The following TBCB variants were observed in gnomAD, a reference collection of about 807,000 sequenced individuals.
TBCB encodes tubulin-folding cofactor B.
A neutral mutation model predicts 29.2 loss-of-function variants in TBCB; 18 were observed. The observed-to-expected ratio is 0.62, with a 90% CI of 0.43 to 0.91. The LOEUF is 0.91. Ranked by LOEUF, TBCB falls within the 40% of genes least tolerant of loss-of-function variation. The pLI, the probability that TBCB is intolerant of heterozygous loss-of-function variation, is 0.00. For synonymous variants in TBCB, 172 were observed against 137.8 expected (o/e 1.25, Z -1.74); for missense variants, 336 against 337.6 (o/e 1.00, Z 0.04).
intron 4 of TBCB, among the ~76,000 whole-genome samples, chr19:36,123,087 G>A (rs1194026916): frequency 1.3e-5 from 2 of 152,146 alleles, no homozygotes; most frequent in Non-Finnish European, 2.9e-5. Flanking sequence ...CCACTGAGCA[G>A]AATGCTTTCA....
chr19:36,117,958 G>T (rs918462445), intron 2 of TBCB: 1 of 151,472 alleles, frequency 6.6e-6, no homozygotes, highest in Admixed American at 6.6e-5. Flanking sequence ...TAGAGACGGG[G>T]TTTCACCATG....
At chr19:36,120,631 G>A (rs1280913157) in intron 2 of TBCB, 79 bp from the exon 3 acceptor site, 7 of 1,215,826 alleles carry the variant, frequency 5.8e-6, no homozygotes, top group Non-Finnish European at 2.4e-6. Flanking sequence ...CCCAGATGGA[G>A]ACACTGAAGT....
rs1264125789 is a variant in TBCB at position 36,115,779 on chromosome 19, G to A, written c.114+105G>A. On this transcript the variant is annotated intron_variant, in intron 1 of 5. Coordinates refer to ENST00000221855, the MANE Select transcript of TBCB (RefSeq NM_001281.3). ...CGGGGAGTGACTGGGCGGGCCCGGA[G>A]GTGATCCCAGGCTGCGGAGGCTGGG... is the stretch of plus-strand genomic sequence containing the variant. 7.3e-6 allele frequency: 9 copies of A among 1,229,544 alleles called. No individual in the cohort carries two copies. The East Asian group carries it at 2.3e-4, about 31-fold the overall frequency. The allele number at this position is 1,229,544 out of a possible 1,614,324, so 76.2% of individuals were successfully genotyped here.
rs779243039 is a variant in TBCB, at chr19:36,120,793, C to T, written c.342C>T (p.Tyr114=). ...VEKYTISQEA[Y]DQRQDTVRSF... is the part of the protein sequence containing the mutation. Reference sequence around the variant, plus strand: ...AGTACACGATCTCACAAGAAGCCTACGACCAGAGGCAAGGTACGGGCAGGT... The same window carrying T: ...AGTACACGATCTCACAAGAAGCCTATGACCAGAGGCAAGGTACGGGCAGGT... Residue 114 remains tyrosine, a synonymous_variant, in exon 3 of 6, where the codon TAC becomes TAT. Transcript: ENST00000221855. The T allele has an allele frequency of 1.1e-5, 18 of 1,613,880 alleles. No homozygotes were observed. Among genetic ancestry groups the T allele is most frequent in the Middle Eastern group, 3.3e-4 (2 of 6,060 alleles).
At chr19:36,125,409 C>G (rs1192270534) in intron 4 of TBCB, 42 bp from the exon 5 acceptor site, 1 of 1,605,728 alleles carries the variant, frequency 6.2e-7, no homozygotes, top group African/African-American at 1.3e-5. Context: ...GGGATTTCTT[C>G]TATGTCCAGA....
In TBCB at chr19:36,125,786, C is replaced by G; in HGVS notation, c.*4C>G. On this transcript the variant is annotated 3_prime_UTR_variant, in exon 6 of 6. Coordinates refer to ENST00000221855, the MANE Select transcript of TBCB (RefSeq NM_001281.3). Reference sequence around the variant, plus strand: ...CTACGGGTTGGACGAGATATGACACCTAAGGAATTCCCCTGCTTCAGCTCC... The same window carrying G: ...CTACGGGTTGGACGAGATATGACACGTAAGGAATTCCCCTGCTTCAGCTCC... The G allele has an allele frequency of 1.3e-6, 2 of 1,507,634 alleles. No homozygotes were observed. Among genetic ancestry groups the G allele is most frequent in the Non-Finnish European group, 1.8e-6 (2 of 1,127,224 alleles). 93.4% of individuals were successfully genotyped at this position (1,507,634 alleles called of 1,614,324 possible). A position where few individuals can be genotyped will look rare whatever the true frequency, so the allele number is the denominator to read the frequency against.
intron 2 of TBCB, among the ~76,000 whole-genome samples, chr19:36,117,502 G>A (rs915819530): frequency 1.3e-5 from 2 of 151,364 alleles, no homozygotes; most frequent in Non-Finnish European, 2.9e-5. Flanking sequence ...GCACCACCAC[G>A]CCTGGCTAAT....
chr19:36,115,685 GGGGGCGGGGTCCGGA>G lies in TBCB; in HGVS notation c.114+21_114+35del. On this transcript the variant is annotated intron_variant, in intron 1 of 5. Coordinates refer to ENST00000221855, the MANE Select transcript of TBCB (RefSeq NM_001281.3). ...ATCGCTGAGTTCAAGGTGTGGCCAT[GGGGGCGGGGTCCGGA>G]GGGGCGGGGCGAAGAAATTGGGGGG... The G allele has an allele frequency of 1.3e-6, 2 of 1,583,526 alleles. No homozygotes were observed. The highest frequency in any genetic ancestry group is 1.7e-6 in the Non-Finnish European group (2 of 1,164,408).
chr19:36,116,935 T>C (rs1026261273), intron 2 of TBCB, among the ~76,000 whole-genome samples: 5 of 152,138 alleles, frequency 3.3e-5, no homozygotes, highest in African/African-American at 1.2e-4. Context: ...TCTGTCCTTA[T>C]TCCCTCCCGA....
At chr19:36,123,068 T>A (rs1471178315) in intron 4 of TBCB, among the ~76,000 whole-genome samples, 1 of 152,102 alleles carries the variant, frequency 6.6e-6, no homozygotes, top group African/African-American at 2.4e-5. Context: ...CTTTTGTAAC[T>A]GGCGCCTTCC....
At chr19:36,116,490 TAAGAGA>T (rs1973957008) in intron 2 of TBCB, 1 of 306,670 alleles carries the variant, frequency 3.3e-6, no homozygotes, top group South Asian at 5.0e-5. Flanking sequence ...AAGGGTGACT[TAAGAGA>T]AAGAGGTGGA....
rs572212663 is a variant in TBCB at position 36,123,481 on chromosome 19, C to T, written c.547+1763C>T. Among the ~76,000 whole-genome samples, 6 of 152,258 alleles carry T rather than the reference C, an allele frequency of 3.9e-5. 1 individual carries two copies. The South Asian group carries it at 1.2e-3, about 32-fold the overall frequency. On this transcript the variant is annotated intron_variant, in intron 4 of 5. Coordinates refer to ENST00000221855, the MANE Select transcript of TBCB (RefSeq NM_001281.3). Reference sequence around the variant, plus strand: ...ATTTCGCCATGTGGCCCAGGCTGGTCTCAAACTCTTCCCGCTCAAGTGATC... The same window carrying T: ...ATTTCGCCATGTGGCCCAGGCTGGTTTCAAACTCTTCCCGCTCAAGTGATC...
Position 36,121,731 on chromosome 19 carries a change from C to T in TBCB, c.547+13C>T, listed in dbSNP as rs1175219125. On this transcript the variant is annotated intron_variant, in intron 4 of 5. Transcript: ENST00000221855. ...GTCATGTATGTAGGTGCGTGGCTCG[C>T]GGGCCCGGTCCCGGGCTCCAGGGCT... is the stretch of plus-strand genomic sequence containing the variant. The T allele has an allele frequency of 6.5e-7, 1 of 1,547,480 alleles. No individual in the cohort carries two copies. The highest frequency in any genetic ancestry group is 8.7e-7 in the Non-Finnish European group (1 of 1,146,476).
chr19:36,116,130 T>A lies in TBCB; in HGVS notation c.204T>A (p.Asp68Glu). The change falls in exon 2 of 6, where the codon GAT becomes GAA. Residue 68 changes from aspartate to glutamate, a missense_variant. By Grantham distance (45) the Asp-to-Glu change is conservative. Transcript: ENST00000221855. ...GVDDKFYSKLDQEDALLGSYP... is the reference protein window; with the variant it reads ...GVDDKFYSKLEQEDALLGSYP... ...ACGACAAGTTCTACAGCAAGCTGGA[T>A]CAAGAGGATGCGCTCCTGGGCTCCT... 1 of 1,614,084 alleles carries A rather than the reference T, an allele frequency of 6.2e-7. No individual in the cohort carries two copies. The highest frequency in any genetic ancestry group is 8.5e-7 in the Non-Finnish European group (1 of 1,180,000).
Position 36,124,198 on chromosome 19 carries a change from C to T in TBCB, c.548-1253C>T, listed in dbSNP as rs369422481. Among the ~76,000 whole-genome samples, 15 of 152,170 alleles carry T rather than the reference C, an allele frequency of 9.9e-5. No homozygotes were observed. The East Asian group carries it at 2.7e-3, about 27-fold the overall frequency. On this transcript the variant is annotated intron_variant, in intron 4 of 5. Transcript: ENST00000221855. Reference sequence around the variant, plus strand: ...CTTTGCATGGCCATTTGTGTATCTTCTTTGGAGAAATGTCTATTCAGATCC... The same window carrying T: ...CTTTGCATGGCCATTTGTGTATCTTTTTTGGAGAAATGTCTATTCAGATCC...
At chr19:36,115,431 A>C, upstream of TBCB, 3 of 673,290 alleles carry the variant, frequency 4.5e-6, no homozygotes, top group Non-Finnish European at 7.7e-6. Context: ...TCCTGGCAGG[A>C]GAGCGCGGAT....
intron 4 of TBCB, among the ~76,000 whole-genome samples, chr19:36,125,043 T>C (rs1431194122): frequency 6.6e-6 from 1 of 152,170 alleles, no homozygotes; most frequent in Non-Finnish European, 1.5e-5. Flanking sequence ...ATTAGTTTGC[T>C]AACAAAGTAC....
chr19:36,122,565 T>G (rs1296563066), intron 4 of TBCB, among the ~76,000 whole-genome samples: 21 of 116,952 alleles, frequency 1.8e-4, no homozygotes, highest in Non-Finnish European at 7.1e-5. Context: ...TGAGACCCTG[T>G]CTCTACAAAA....
upstream of TBCB, chr19:36,114,988 C>A (rs1007693800): frequency 1.2e-5 from 11 of 886,128 alleles, no homozygotes; most frequent in Non-Finnish European, 1.9e-5. This position sits in a 1 kb window ranked among gnomAD's most constrained non-coding sequence, Gnocchi z 4.5. Context: ...GGCTCCCCGC[C>A]GCCTCGGGCT....
Sources: gnomAD v4.1 joint callset for allele counts (sites outside exome capture counted in the v4.1 genomes callset) on GRCh38, gnomAD v4.1.1 for gene constraint, Gnocchi (gnomAD v3.1) non-coding constraint, MANE v1.5 for transcripts, NCBI Gene and HGNC (gene_info 2026-07-23, HGNC 2026-07-21) for gene names.